Variants in OPHN1 observed in about 807,000 individuals in gnomAD.
The protein encoded by OPHN1 is oligophrenin 1, also known as oligophrenin-1.
In OPHN1, 11 loss-of-function variants were observed where a neutral mutation model predicts 60.7. The ratio of observed to expected loss-of-function variants is 0.18; its 90% CI spans 0.11 to 0.30. The LOEUF (loss-of-function observed/expected upper bound fraction) is 0.30, where lower values mean the gene tolerates loss of function less well. Among genes scored for constraint, OPHN1 ranks in the 10% least tolerant of loss-of-function variants. The pLI is 1.00. For missense variants in OPHN1, 449 were observed against 611.0 expected (o/e 0.73, Z 2.80); for synonymous variants, 226 against 222.6 (o/e 1.02, Z -0.14).
At chrX:68,149,525 T>C (rs1414751737) in intron 15 of OPHN1, among the ~76,000 whole-genome samples, 2 of 111,292 alleles carry the variant, frequency 1.8e-5, no homozygotes, top group Non-Finnish European at 3.8e-5. Flanking sequence ...GATATACAAA[T>C]GGCCAAAAGC....
intron 2 of OPHN1, among the ~76,000 whole-genome samples, chrX:68,339,955 T>C (rs1205664301): frequency 8.9e-6 from 1 of 112,290 alleles, no homozygotes; most frequent in Non-Finnish European, 1.9e-5. Flanking sequence ...TAAAGAACAC[T>C]GTTTCACGTA....
At chrX:68,172,913 A>G (rs1301656076) in intron 15 of OPHN1, among the ~76,000 whole-genome samples, 1 of 110,896 alleles carries the variant, frequency 9.0e-6, no homozygotes, top group Non-Finnish European at 1.9e-5. Flanking sequence ...TCTCCTCCCA[A>G]TTCCTTAATG....
chrX:68,303,562 C>T (rs1183575241), intron 2 of OPHN1, among the ~76,000 whole-genome samples: 1 of 108,789 alleles, frequency 9.2e-6, no homozygotes, highest in Non-Finnish European at 1.9e-5. Flanking sequence ...GCAGGAGGAT[C>T]GCTTGAACCC....
At chrX:68,426,690 G>A (rs190880207) in intron 2 of OPHN1, among the ~76,000 whole-genome samples, 3 of 18,782 alleles carry the variant, frequency 1.6e-4, no homozygotes, top group East Asian at 5.4e-3. Flanking sequence ...TGGCAGGACC[G>A]CATCTCTCCA....
chrX:68,217,113 T>A (rs1196994270), intron 6 of OPHN1, among the ~76,000 whole-genome samples: 8 of 111,763 alleles, frequency 7.2e-5, no homozygotes, highest in Non-Finnish European at 1.3e-4. Flanking sequence ...TTGCCTCACT[T>A]GGGAAGCGCA....
intron 2 of OPHN1, among the ~76,000 whole-genome samples, chrX:68,345,803 C>T (rs1309411323): frequency 8.9e-6 from 1 of 112,540 alleles, no homozygotes. Flanking sequence ...AAATATTCTC[C>T]AGTATTTCTA....
At chrX:68,219,779 C>T (rs1274141035) in intron 6 of OPHN1, among the ~76,000 whole-genome samples, 1 of 104,173 alleles carries the variant, frequency 9.6e-6, no homozygotes, top group African/African-American at 3.5e-5. Flanking sequence ...GCATTCAAAG[C>T]AGTGTGTAGA....
intron 2 of OPHN1, among the ~76,000 whole-genome samples, chrX:68,314,595 A>G (rs1359573786): frequency 9.0e-6 from 1 of 111,717 alleles, no homozygotes. Flanking sequence ...TTCACTGTTG[A>G]ATTCTACCAA....
chrX:68,417,710 G>C (rs1700242972), intron 2 of OPHN1, among the ~76,000 whole-genome samples: 1 of 112,347 alleles, frequency 8.9e-6, no homozygotes, highest in Non-Finnish European at 1.9e-5. Context: ...AGGCACAGTT[G>C]ACCAGCAGCT....
intron 18 of OPHN1, among the ~76,000 whole-genome samples, chrX:68,104,396 G>T (rs1352510130): frequency 9.0e-6 from 1 of 111,632 alleles, no homozygotes; most frequent in African/African-American, 3.3e-5. Context: ...GAGGCATCAT[G>T]CTACCTGACA....
chrX:68,335,415 A>G (rs1166871039), intron 2 of OPHN1, among the ~76,000 whole-genome samples: 1 of 111,978 alleles, frequency 8.9e-6, no homozygotes, highest in African/African-American at 3.2e-5. Flanking sequence ...CATTCCACGT[A>G]GAGTGGTGCC....
intron 8 of OPHN1, among the ~76,000 whole-genome samples, chrX:68,210,669 T>C (rs954062777): frequency 2.7e-5 from 3 of 111,922 alleles, no homozygotes; most frequent in Non-Finnish European, 5.6e-5. Flanking sequence ...CCAAATTGTG[T>C]CTCAAAGTTA....
At chrX:68,333,417 C>T (rs1177091233) in intron 2 of OPHN1, among the ~76,000 whole-genome samples, 1 of 110,793 alleles carries the variant, frequency 9.0e-6, no homozygotes. Flanking sequence ...AGGCAGATCA[C>T]CTGAGGCCGG....
At chrX:68,287,944 T>A (rs1372505308) in intron 3 of OPHN1, among the ~76,000 whole-genome samples, 2 of 112,023 alleles carry the variant, frequency 1.8e-5, no homozygotes, top group Non-Finnish European at 3.8e-5. Flanking sequence ...AGCTTCTTGA[T>A]CCTTACTTTC....
intron 2 of OPHN1, among the ~76,000 whole-genome samples, chrX:68,387,311 C>G (rs2078629792): frequency 9.1e-6 from 1 of 109,608 alleles, no homozygotes; most frequent in African/African-American, 3.3e-5. Flanking sequence ...GCGTTTCTCA[C>G]CATCTCCACC....
chrX:68,089,546 T>C (rs1269010595), intron 19 of OPHN1, among the ~76,000 whole-genome samples: 3 of 111,718 alleles, frequency 2.7e-5, no homozygotes, highest in Admixed American at 9.5e-5. Context: ...GTCTGACACA[T>C]AGCAAGCTGT....
intron 6 of OPHN1, among the ~76,000 whole-genome samples, chrX:68,216,969 G>A (rs926563464): frequency 9.8e-5 from 11 of 112,058 alleles, no homozygotes; most frequent in Non-Finnish European, 3.8e-5. Flanking sequence ...AGCTCCCAGC[G>A]TGAGCGACGC....
chrX:68,312,424 G>C (rs1435585980), intron 2 of OPHN1, among the ~76,000 whole-genome samples: 1 of 109,319 alleles, frequency 9.1e-6, no homozygotes, highest in East Asian at 2.9e-4. Flanking sequence ...CAACCAATAA[G>C]TCAAAGAAGA....
rs925246386 is a variant in OPHN1, at chrX:68,121,714, A to G, written c.1277-2382T>C. Among the ~76,000 whole-genome samples, 4 of 108,810 alleles carry G rather than the reference A, an allele frequency of 3.7e-5. No individual in the cohort carries two copies. In the Admixed American group the frequency reaches 4.0e-4, roughly 11 times the overall value. 94.5% of individuals were successfully genotyped at this position (108,810 alleles called of 115,157 possible). On this transcript the variant is annotated intron_variant, in intron 15 of 24. Coordinates refer to ENST00000355520, the MANE Select transcript of OPHN1 (RefSeq NM_002547.3). Reference sequence around the variant, plus strand: ...AGACACCAGCCATGGTGGCTATGGGAGTCCTTGCACCACCCCACACAGCAC... The same window carrying G: ...AGACACCAGCCATGGTGGCTATGGGGGTCCTTGCACCACCCCACACAGCAC...
Sources: gnomAD v4.1 joint callset for allele counts (sites outside exome capture counted in the v4.1 genomes callset) on GRCh38, gnomAD v4.1.1 for gene constraint, MANE v1.5 for transcripts, NCBI Gene and HGNC (gene_info 2026-07-23, HGNC 2026-07-21) for gene names.